ITGAL: variants seen among roughly 807,000 people sequenced by gnomAD.
ITGAL encodes integrin alpha-L.
ITGAL carries 68 observed loss-of-function variants against 138.4 expected under a neutral mutation model. The ratio of observed to expected loss-of-function variants is 0.49; its 90% confidence interval spans 0.40 to 0.60. The LOEUF is 0.60. Among genes scored for constraint, ITGAL ranks in the 20% least tolerant of loss-of-function variants. ITGAL has a pLI of 0.00. For synonymous variants in ITGAL, 561 were observed against 584.3 expected (o/e 0.96, Z 0.57); for missense variants, 1,256 against 1,478.6 (o/e 0.85, Z 2.47).
In ITGAL at chr16:30,502,190, G is replaced by C. The variant is rs531398659; in HGVS notation, c.2146-1985G>C. Reference sequence around the variant, plus strand: ...AGGTGGGCGGATCACGAGGTGAGGAGATTGAGACCATCCTGGCTAACACGG... The same window carrying C: ...AGGTGGGCGGATCACGAGGTGAGGACATTGAGACCATCCTGGCTAACACGG... On this transcript the variant is annotated intron_variant, in intron 17 of 30. Transcript: ENST00000356798. 2.6e-5 allele frequency among the ~76,000 whole-genome samples: 4 copies of C among 151,976 alleles called. No individual in the cohort carries two copies. The East Asian group carries it at 7.8e-4, about 29-fold the overall frequency.
intron 17 of ITGAL, among the ~76,000 whole-genome samples, chr16:30,502,396 C>CAAAAAAA (rs57501055): frequency 3.7e-5 from 3 of 80,096 alleles, no homozygotes; most frequent in Non-Finnish European, 2.9e-5. Context: ...GACTCCATCT[C>CAAAAAAA]AAAAAAAAAA....
At chr16:30,475,166 C>T (rs2050452897) in intron 2 of ITGAL, 140 bp from the exon 3 acceptor site, 1 of 668,214 alleles carries the variant, frequency 1.5e-6, no homozygotes, top group South Asian at 1.9e-5. Flanking sequence ...GCCACCCCAC[C>T]TGGCCAGAGG....
chr16:30,511,733 C>T (rs1422367374), intron 24 of ITGAL, among the ~76,000 whole-genome samples: 2 of 152,222 alleles, frequency 1.3e-5, no homozygotes, highest in East Asian at 3.8e-4. Context: ...AACTCATGCA[C>T]ACACAGAGTC....
At position 30,521,667 on chromosome 16, in the gene ITGAL, T is replaced by TC. The variant is rs1398333338; in HGVS notation, c.*4dup. ...GAGAGTGGTGGTGGCAAGGACTGAG[T>TC]CCAGGCCTGTGAGGTGCAGAGTGCC... On this transcript the variant is annotated 3_prime_UTR_variant, in exon 31 of 31. Coordinates refer to ENST00000356798, the MANE Select transcript of ITGAL (RefSeq NM_002209.3). The TC allele has an allele frequency of 1.2e-6, 2 of 1,613,272 alleles. No homozygotes were observed. The highest frequency in any genetic ancestry group is 2.7e-5 in the African/African-American group (2 of 74,998).
At chr16:30,479,646 T>TC (rs2050524741) in intron 6 of ITGAL, among the ~76,000 whole-genome samples, 185 bp downstream of exon 6, 1 of 132,980 alleles carries the variant, frequency 7.5e-6, no homozygotes, top group Non-Finnish European at 1.6e-5. Flanking sequence ...AGTTCTCATT[T>TC]CCTTTTTTTT....
In ITGAL at chr16:30,494,060, A is replaced by G; in HGVS notation, c.1214-152A>G. ...AGATGGCAGGATTTGTTTGGCTGGG[A>G]GCACATGGATGCTTTTCTCAGGAGA... On this transcript the variant is annotated intron_variant, in intron 11 of 30. Coordinates refer to ENST00000356798, the MANE Select transcript of ITGAL (RefSeq NM_002209.3). This position sits in a 1 kb window ranked among gnomAD's most constrained non-coding sequence, Gnocchi z 4.2. 1.6e-6 allele frequency: 1 copy of G among 621,210 alleles called. No individual in the cohort carries two copies. The highest frequency in any genetic ancestry group is 2.7e-5 in the East Asian group (1 of 36,436). The allele number at this position is 621,210 out of a possible 1,614,324, so 38.5% of individuals were successfully genotyped here. A position where few individuals can be genotyped will look rare whatever the true frequency, so the allele number is the denominator to read the frequency against.
At chr16:30,505,595 A>G in intron 20 of ITGAL, 133 bp downstream of exon 20, 1 of 713,764 alleles carries the variant, frequency 1.4e-6, no homozygotes, top group Non-Finnish European at 2.4e-6. Flanking sequence ...GAGAAATTTG[A>G]GGCTGAACTC....
chr16:30,517,695 A>G lies in ITGAL; in HGVS notation c.3023A>G (p.Asp1008Gly), dbSNP rs1486954968. 2 of 1,613,924 alleles carry G rather than the reference A, an allele frequency of 1.2e-6. No homozygotes were observed. The highest frequency in any genetic ancestry group is 1.7e-6 in the Non-Finnish European group (2 of 1,179,934). ...CHYEDLERLP[D>G]AAEPCLPGAL... ...TATGAGGATCTGGAGAGGCTCCCGGATGCAGCTGAGGTATGGGCGTGTGAG... is the reference window on the plus strand; with the variant it reads ...TATGAGGATCTGGAGAGGCTCCCGGGTGCAGCTGAGGTATGGGCGTGTGAG... Residue 1008 changes from aspartate (D) to glycine (G), a missense_variant, in exon 27 of 31, where the codon GAT becomes GGT. Asp to Gly is a moderately conservative substitution (Grantham distance 94). Around this residue, in one of 3 missense-constraint regions of ITGAL, gnomAD observed 867 missense variants for 972.5 expected, o/e 0.89. Transcript: ENST00000356798.
rs1362065888 is a variant in ITGAL, at chr16:30,494,943, G to A, written c.1503+93G>A. On this transcript the variant is annotated intron_variant, in intron 13 of 30. Coordinates refer to ENST00000356798, the MANE Select transcript of ITGAL (RefSeq NM_002209.3). This position sits in a 1 kb window ranked among gnomAD's most constrained non-coding sequence, Gnocchi z 4.2. ...CTGAAGGCTTTCTCTGTCTGGTCAC[G>A]TGGCGATCAAACTTTTAGAACGACA... is the stretch of plus-strand genomic sequence containing the variant. 4.0e-5 allele frequency: 56 copies of A among 1,411,324 alleles called. No individual in the cohort carries two copies. The highest frequency in any genetic ancestry group is 5.0e-5 in the Non-Finnish European group (52 of 1,048,862). 87.4% of individuals were successfully genotyped at this position (1,411,324 alleles called of 1,614,324 possible). A position where few individuals can be genotyped will look rare whatever the true frequency, so the allele number is the denominator to read the frequency against.
intron 17 of ITGAL, among the ~76,000 whole-genome samples, chr16:30,499,717 A>ATATATGTGTATATATATATATGTG (rs1567478427): frequency 9.3e-6 from 1 of 107,668 alleles, no homozygotes; most frequent in South Asian, 5.0e-4. Flanking sequence ...ATATATGTAT[A>ATATATGTGTATATATATATATGTG]TATATATATA....
chr16:30,506,397 C>CA (rs34457944), intron 20 of ITGAL, among the ~76,000 whole-genome samples: 130 of 142,852 alleles, frequency 9.1e-4, no homozygotes, highest in Non-Finnish European at 7.6e-4. Context: ...ACTTAAAATA[C>CA]AAAAAAAAAA....
rs751698414 is a variant in ITGAL at position 30,510,471 on chromosome 16, G to A, written c.2619G>A (p.Ser873=). The change falls in exon 22 of 31, where the codon TCG becomes TCA. Residue 873 remains serine (S), a splice_region_variant and synonymous_variant. Coordinates refer to ENST00000356798, the MANE Select transcript of ITGAL (RefSeq NM_002209.3). ...CTCCCATCTTCAAAGCAGGCCACTC[G>A]GTGAGTGCTTCAAGTCTCCAGGGAC... is the stretch of plus-strand genomic sequence containing the variant. The part of the protein sequence containing the change: ...VSSPIFKAGH[S]VALQMMFNTL... 65 of 1,569,644 alleles carry A rather than the reference G, an allele frequency of 4.1e-5. No individual in the cohort carries two copies. The highest frequency in any genetic ancestry group is 1.7e-4 in the Middle Eastern group (1 of 6,006).
chr16:30,520,450 G>A (rs2051235748), intron 30 of ITGAL, among the ~76,000 whole-genome samples: 2 of 152,064 alleles, frequency 1.3e-5, no homozygotes, highest in Admixed American at 1.3e-4. Flanking sequence ...CACACAAACA[G>A]CAAGAGAGAC....
intron 15 of ITGAL, among the ~76,000 whole-genome samples, chr16:30,497,788 T>C (rs1302914997): frequency 6.6e-6 from 1 of 151,502 alleles, no homozygotes; most frequent in African/African-American, 2.4e-5. Flanking sequence ...CTTTTCTTTT[T>C]TTTTTTTAAT....
At chr16:30,486,735 C>T (rs1459910533) in intron 9 of ITGAL, among the ~76,000 whole-genome samples, 1 of 152,080 alleles carries the variant, frequency 6.6e-6, no homozygotes, top group African/African-American at 2.4e-5. Flanking sequence ...AAGGGTCTTC[C>T]AGGCCCTCAG....
chr16:30,519,002 TC>T (rs1377591136), intron 29 of ITGAL, among the ~76,000 whole-genome samples: 2 of 152,126 alleles, frequency 1.3e-5, no homozygotes. Context: ...GGTAGGCAGA[TC>T]ACATGAAGTG....
intron 21 of ITGAL, among the ~76,000 whole-genome samples, chr16:30,509,908 A>G (rs532947381): frequency 3.3e-5 from 5 of 152,050 alleles, no homozygotes; most frequent in Non-Finnish European, 7.4e-5. Context: ...ACATGGTGGC[A>G]CATCCCTGTA....
At chr16:30,496,591 C>A (rs754652518) in intron 15 of ITGAL, 25 bp downstream of exon 15, 2 of 1,592,286 alleles carry the variant, frequency 1.3e-6, no homozygotes, top group Admixed American at 1.8e-5. Flanking sequence ...CCAGGTCACA[C>A]CTGATGACCC....
At position 30,518,945 on chromosome 16, in the gene ITGAL, C is replaced by T. The variant is rs191061390; in HGVS notation, c.3228+226C>T. On this transcript the variant is annotated intron_variant, in intron 29 of 30. Transcript: ENST00000356798. ...GTGTCGAGTAAAGTTCAATCGAGGC[C>T]GGGCGCAGTAGCTCACACCTGTAAT... Among the ~76,000 whole-genome samples, 540 of 152,212 alleles carry T rather than the reference C, an allele frequency of 3.5e-3. 2 individuals carry two copies. Among genetic ancestry groups the T allele is most frequent in the Non-Finnish European group, 5.9e-3 (402 of 67,990 alleles).
Sources: allele counts gnomAD v4.1 joint callset (sites outside exome capture counted in the v4.1 genomes callset), GRCh38; gene constraint gnomAD v4.1.1; regional missense constraint gnomAD v4.1.1; non-coding constraint Gnocchi (gnomAD v3.1); transcripts MANE v1.5; gene names NCBI Gene and HGNC (gene_info 2026-07-23, HGNC 2026-07-21).